Variants in RTTN observed in about 807,000 individuals in gnomAD.
The protein encoded by RTTN is rotatin.
In RTTN, 182 loss-of-function variants were observed where a neutral mutation model predicts 269.2. The observed-to-expected ratio is 0.68, with a 90% CI of 0.60 to 0.76. The LOEUF (loss-of-function observed/expected upper bound fraction) is 0.76, where lower values mean the gene tolerates loss of function less well. Ranked by LOEUF, RTTN falls within the 30% of genes least tolerant of loss-of-function variation. RTTN has a pLI of 0.00. For synonymous variants in RTTN, 1,006 were observed against 963.5 expected, an observed-to-expected ratio of 1.04 and a Z score of -0.82; for missense variants, 2,545 against 2,608.6, an observed-to-expected ratio of 0.98 and a Z score of 0.53.
intron 26 of RTTN, among the ~76,000 whole-genome samples, chr18:70,117,937 CA>C (rs1405833466): frequency 1.3e-5 from 2 of 151,772 alleles, no homozygotes; most frequent in Non-Finnish European, 2.9e-5. Flanking sequence ...ATGAGACAAA[CA>C]AAAATGGACA....
chr18:70,069,732 C>T (rs1209890993), intron 34 of RTTN, among the ~76,000 whole-genome samples: 1 of 152,126 alleles, frequency 6.6e-6, no homozygotes, highest in Non-Finnish European at 1.5e-5. Context: ...ATAGTTCCAT[C>T]AACTTCCCTC....
intron 35 of RTTN, chr18:70,061,276 G>C (rs751855601): frequency 1.1e-5 from 5 of 451,206 alleles, no homozygotes; most frequent in South Asian, 7.9e-5. Context: ...CCCTACATTA[G>C]TGAACACCTC....
chr18:70,071,798 G>A (rs1056928318), intron 34 of RTTN, among the ~76,000 whole-genome samples: 4 of 152,148 alleles, frequency 2.6e-5, no homozygotes, highest in Middle Eastern at 3.2e-3. Flanking sequence ...TAACCCAGGA[G>A]AGCATGCTGG....
At chr18:70,126,586 G>C (rs1234954662) in intron 25 of RTTN, among the ~76,000 whole-genome samples, 1 of 152,082 alleles carries the variant, frequency 6.6e-6, no homozygotes, top group East Asian at 1.9e-4. Context: ...CAAGAACAAA[G>C]ATAACAGTAA....
chr18:70,183,685 C>A (rs908987822), intron 10 of RTTN, among the ~76,000 whole-genome samples: 1 of 152,174 alleles, frequency 6.6e-6, no homozygotes, highest in African/African-American at 2.4e-5. Context: ...AGCAGCACCA[C>A]TCCAGGTGTG....
chr18:70,123,059 A>G (rs548814205), intron 25 of RTTN, among the ~76,000 whole-genome samples: 4 of 152,122 alleles, frequency 2.6e-5, no homozygotes, highest in Non-Finnish European at 5.9e-5. Flanking sequence ...AATTTGTATA[A>G]TATTTGTTGA....
At position 70,173,558 on chromosome 18, in the gene RTTN, A is replaced by T. The variant is rs183641397; in HGVS notation, c.1476+3117T>A. Among the ~76,000 whole-genome samples, 254 of 152,214 alleles carry T rather than the reference A, an allele frequency of 1.7e-3. 2 individuals are homozygous for T. The highest frequency in any genetic ancestry group is 3.2e-3 in the Admixed American group (49 of 15,292). ...TGCTCTACAGAATTCTAGGAAACAA[A>T]GCTGCAAATGTTTAATAACTAAGGG... On this transcript the variant is annotated intron_variant, in intron 11 of 48. Transcript: ENST00000640769.
chr18:70,150,006 T>C lies in RTTN; in HGVS notation c.2137A>G (p.Ile713Val), dbSNP rs1599782667. ...GGGATGACAGGACAGAGAGATTCAA[T>C]AAACTTGTTCCAGGTCAATGCTGTC... The part of the protein sequence containing the change: ...MMTALTWNKF[I>V]ESLCPVIPIL... Residue 713 changes from isoleucine to valine, a missense_variant, in exon 16 of 49, where the codon ATT (isoleucine) becomes GTT (valine). Coordinates refer to ENST00000640769, the MANE Select transcript of RTTN (RefSeq NM_173630.4). The C allele has an allele frequency of 6.2e-7, 1 of 1,612,842 alleles. No individual in the cohort carries two copies. Among genetic ancestry groups the C allele is most frequent in the Admixed American group, 1.7e-5 (1 of 59,952 alleles).
chr18:70,190,950 G>A (rs1344940510), intron 8 of RTTN, among the ~76,000 whole-genome samples: 1 of 152,186 alleles, frequency 6.6e-6, no homozygotes, highest in African/African-American at 2.4e-5. Flanking sequence ...CACTTTGGGA[G>A]GCCAAGGCGG....
rs773790606 is a variant in RTTN at position 70,199,522 on chromosome 18, AATCTTATGGT to A, written c.488-28_488-19del. ...CTGATTTACTGTCAGTGAAAGAGCAAATCTTATGGTATCAAAGAATAAAGAGATGACAGAT... is the reference window on the plus strand; with the variant it reads ...CTGATTTACTGTCAGTGAAAGAGCAAATCAAAGAATAAAGAGATGACAGAT... On this transcript the variant is annotated intron_variant, in intron 4 of 48. Coordinates refer to ENST00000640769, the MANE Select transcript of RTTN (RefSeq NM_173630.4). 1 of 1,503,088 alleles carries A rather than the reference AATCTTATGGT, an allele frequency of 6.7e-7. No individual in the cohort carries two copies. Among genetic ancestry groups the A allele is most frequent in the Non-Finnish European group, 9.3e-7 (1 of 1,079,872 alleles). 93.1% of individuals were successfully genotyped at this position (1,503,088 alleles called of 1,614,324 possible).
At chr18:70,145,111 T>C (rs1454097881) in intron 18 of RTTN, among the ~76,000 whole-genome samples, 1 of 152,174 alleles carries the variant, frequency 6.6e-6, no homozygotes, top group African/African-American at 2.4e-5. Flanking sequence ...GCAAACCGTA[T>C]TGTGAGCTAG....
At chr18:70,051,161 A>C (rs984488184) in intron 39 of RTTN, among the ~76,000 whole-genome samples, 11 of 152,206 alleles carry the variant, frequency 7.2e-5, no homozygotes, top group African/African-American at 2.4e-4. Flanking sequence ...AAAAAGCTTA[A>C]AAAATAATAA....
chr18:70,013,938 T>C (rs2056468074), intron 46 of RTTN, among the ~76,000 whole-genome samples: 1 of 152,198 alleles, frequency 6.6e-6, no homozygotes. Context: ...CTCATCTTTT[T>C]AGCTTTCTCT....
intron 28 of RTTN, among the ~76,000 whole-genome samples, chr18:70,100,674 T>G (rs2059135230): frequency 6.6e-6 from 1 of 152,178 alleles, no homozygotes; most frequent in African/African-American, 2.4e-5. Context: ...AGGGAATGCT[T>G]CCAGTTTTTG....
In RTTN at chr18:70,140,157, T is replaced by A; in HGVS notation, c.2613A>T (p.Leu871Phe). The change falls in exon 20 of 49, where the codon TTA (leucine) becomes TTT (phenylalanine). Residue 871 changes from leucine to phenylalanine, a missense_variant. By Grantham distance (22) the Leu-to-Phe change is conservative. Transcript: ENST00000640769. ...DIKMHAVVKK[L>F]CLIDKIIEYL... is the part of the protein sequence containing the mutation. ...ACTCAATTATTTTGTCAATTAAGCA[T>A]AACTTTTTCACCACAGCATGCATTT... 6.3e-7 allele frequency: 1 copy of A among 1,599,574 alleles called. No homozygotes were observed. The highest frequency in any genetic ancestry group is 8.6e-7 in the Non-Finnish European group (1 of 1,167,714).
At chr18:70,006,567 T>C (rs2056195356) in intron 46 of RTTN, 83 bp from the exon 47 acceptor site, 3 of 1,008,862 alleles carry the variant, frequency 3.0e-6, no homozygotes, top group Admixed American at 1.9e-5. Context: ...GACACCCCCC[T>C]CTTTTCCCAT....
chr18:70,042,667 G>A (rs887092201), intron 40 of RTTN, among the ~76,000 whole-genome samples: 10 of 152,120 alleles, frequency 6.6e-5, no homozygotes, highest in African/African-American at 1.9e-4. Flanking sequence ...TGAGCACCGC[G>A]CCCAGCCAAG....
intron 11 of RTTN, among the ~76,000 whole-genome samples, chr18:70,175,808 C>T (rs2061276631): frequency 6.6e-6 from 1 of 152,006 alleles, no homozygotes; most frequent in Admixed American, 6.6e-5. Context: ...AGAAAAGGTT[C>T]CATGACATTA....
chr18:70,038,601 G>A (rs2144693069), intron 40 of RTTN, among the ~76,000 whole-genome samples: 1 of 152,242 alleles, frequency 6.6e-6, no homozygotes, highest in East Asian at 1.9e-4. Flanking sequence ...TCCTCAAGGA[G>A]GACACACACA....
Sources: gnomAD v4.1 joint callset for allele counts (sites outside exome capture counted in the v4.1 genomes callset) on GRCh38, gnomAD v4.1.1 for gene constraint, MANE v1.5 for transcripts, NCBI Gene and HGNC (gene_info 2026-07-23, HGNC 2026-07-21) for gene names.